CCDC112: variants seen among roughly 807,000 people sequenced by gnomAD.
CCDC112 encodes coiled-coil domain-containing protein 112.
Under a neutral mutation model 66.3 loss-of-function variants are expected in CCDC112, and 40 were observed. The ratio of observed to expected loss-of-function variants is 0.60; its 90% CI spans 0.47 to 0.79. The LOEUF is 0.79. Ranked by LOEUF, CCDC112 falls within the 30% of genes least tolerant of loss-of-function variation. The pLI is 0.00. For missense variants in CCDC112, 659 were observed against 603.8 expected (o/e 1.09, Z -0.96); for synonymous variants, 214 against 197.2 (o/e 1.09, Z -0.71).
At position 115,267,874 on chromosome 5, in the gene CCDC112, T is replaced by A; in HGVS notation, c.*2A>T. On this transcript the variant is annotated 3_prime_UTR_variant, in exon 10 of 10. Transcript: ENST00000379611. ...TATCAACTGAGTAGCAATTTGATTA[T>A]CTCATACTCTTCTCTGTATTCCTTG... 1 of 1,609,930 alleles carries A rather than the reference T, an allele frequency of 6.2e-7. No homozygotes were observed. The highest frequency in any genetic ancestry group is 8.5e-7 in the Non-Finnish European group (1 of 1,176,378).
intron 6 of CCDC112, among the ~76,000 whole-genome samples, chr5:115,272,780 C>T (rs1414384432): frequency 6.6e-6 from 1 of 152,046 alleles, no homozygotes; most frequent in African/African-American, 2.4e-5. Flanking sequence ...TGTATATATA[C>T]TATAAACAAG....
rs567161238 is a variant in CCDC112, at chr5:115,273,903, G to A, written c.918+1313C>T. Reference sequence around the variant, plus strand: ...GTTTCAAACATTTTTCTTAAAACCCGAGAAGTCAATTTCCCTACATTCAAT... The same window carrying A: ...GTTTCAAACATTTTTCTTAAAACCCAAGAAGTCAATTTCCCTACATTCAAT... On this transcript the variant is annotated intron_variant, in intron 6 of 9. Transcript: ENST00000379611. 9.2e-5 allele frequency among the ~76,000 whole-genome samples: 14 copies of A among 152,268 alleles called. No individual in the cohort carries two copies. The South Asian group carries it at 1.9e-3, about 20-fold the overall frequency.
Position 115,275,556 on chromosome 5 carries a change from G to A in CCDC112, c.578C>T (p.Ala193Val). 1 of 1,609,798 alleles carries A rather than the reference G, an allele frequency of 6.2e-7. No homozygotes were observed. Reference protein sequence around the residue: ...EEKTTNNELSAISRKIDTWAL... With the variant: ...EEKTTNNELSVISRKIDTWAL... ...CCATGTGTCAATTTTTCTTGATATGGCACTCAACTCATTATTAGTTGTCTT... is the reference window on the plus strand; with the variant it reads ...CCATGTGTCAATTTTTCTTGATATGACACTCAACTCATTATTAGTTGTCTT... The change falls in exon 6 of 10, where the codon GCC becomes GTC. Residue 193 changes from alanine to valine, a missense_variant. Ala to Val is a moderately conservative substitution (Grantham distance 64, BLOSUM62 0). Coordinates refer to ENST00000379611, the MANE Select transcript of CCDC112 (RefSeq NM_001040440.3).
At chr5:115,283,034 C>T (rs1749521744) in intron 2 of CCDC112, among the ~76,000 whole-genome samples, 1 of 151,952 alleles carries the variant, frequency 6.6e-6, no homozygotes, top group South Asian at 2.1e-4. Context: ...TGGACATTAC[C>T]CTATCTAGAA....
At chr5:115,294,695 A>T (rs575928456) in intron 1 of CCDC112, among the ~76,000 whole-genome samples, 3 of 152,348 alleles carry the variant, frequency 2.0e-5, no homozygotes, top group South Asian at 4.1e-4. Context: ...TGTTAAAGTC[A>T]GTAGGAATAT....
chr5:115,274,526 T>C (rs1749123414), intron 6 of CCDC112, among the ~76,000 whole-genome samples: 1 of 152,194 alleles, frequency 6.6e-6, no homozygotes, highest in Non-Finnish European at 1.5e-5. Flanking sequence ...TGCCTCTTGA[T>C]TTTTCTATTC....
At chr5:115,273,056 G>A (rs1346194052) in intron 6 of CCDC112, among the ~76,000 whole-genome samples, 4 of 152,178 alleles carry the variant, frequency 2.6e-5, no homozygotes, top group African/African-American at 9.7e-5. Context: ...TTAGTCCATG[G>A]ACCAAGTCTG....
chr5:115,270,729 A>G (rs1056502642), intron 7 of CCDC112, among the ~76,000 whole-genome samples: 6 of 152,152 alleles, frequency 3.9e-5, no homozygotes, highest in Non-Finnish European at 5.9e-5. Flanking sequence ...GCCTATGGCT[A>G]CCTTTCTAGT....
intron 1 of CCDC112, among the ~76,000 whole-genome samples, chr5:115,292,809 T>G (rs2127077910): frequency 6.6e-6 from 1 of 152,342 alleles, no homozygotes; most frequent in South Asian, 2.1e-4. Flanking sequence ...TTTGCTACCT[T>G]TGGGAAAGGG....
In CCDC112 at chr5:115,291,504, A is replaced by T. The variant is rs1033097049; in HGVS notation, c.117+4923T>A. The stretch of plus-strand genomic sequence containing the variant: ...TAATAATGGCCTTACAGAATGAGAA[A>T]TGTTCATTAAAAATGTTCCTTCCTC... On this transcript the variant is annotated intron_variant, in intron 1 of 9. Transcript: ENST00000379611. Among the ~76,000 whole-genome samples, 3 of 152,280 alleles carry T rather than the reference A, an allele frequency of 2.0e-5. No individual in the cohort carries two copies. In the South Asian group the frequency reaches 6.2e-4, roughly 32 times the overall value.
intron 2 of CCDC112, among the ~76,000 whole-genome samples, chr5:115,282,536 G>T (rs1307900485): frequency 1.3e-5 from 2 of 151,988 alleles, no homozygotes; most frequent in African/African-American, 4.8e-5. Context: ...TGCCATTATT[G>T]TGCCTAGCAA....
chr5:115,268,937 G>C lies in CCDC112; in HGVS notation c.1492C>G (p.Arg498Gly), dbSNP rs562994298. Reference protein sequence around the residue: ...LYKPTKGWEERTKKIGPTGSG... With the variant: ...LYKPTKGWEEGTKKIGPTGSG... ...CCTGTTGGTCCTATCTTTTTGGTTC[G>C]TTCTTCCCAACCTTTGGTGGGTTTG... The change falls in exon 9 of 10, where the codon CGA becomes GGA. Residue 498 changes from arginine to glycine, a missense_variant. Physicochemically the swap from Arg to Gly is moderately radical, Grantham distance 125. Coordinates refer to ENST00000379611, the MANE Select transcript of CCDC112 (RefSeq NM_001040440.3). The C allele has an allele frequency of 1.9e-6, 3 of 1,606,706 alleles. No individual in the cohort carries two copies. Among genetic ancestry groups the C allele is most frequent in the Non-Finnish European group, 2.5e-6 (3 of 1,176,766 alleles).
chr5:115,276,323 T>C (rs1749204285), intron 4 of CCDC112, among the ~76,000 whole-genome samples: 1 of 152,174 alleles, frequency 6.6e-6, no homozygotes, highest in Non-Finnish European at 1.5e-5. Context: ...ATCAAGTAAC[T>C]TGCCTAAAAT....
Position 115,271,234 on chromosome 5 carries a change from T to C in CCDC112, c.1311A>G (p.Glu437=). 6.3e-7 allele frequency: 1 copy of C among 1,580,498 alleles called. No individual in the cohort carries two copies. The highest frequency in any genetic ancestry group is 1.2e-5 in the South Asian group (1 of 84,410). Residue 437 remains glutamate, a synonymous_variant, in exon 7 of 10, where the codon GAA becomes GAG. Transcript: ENST00000379611. ...TCACTCTTTCTTGAAATCTGGAAATTTCATCAGCAGCATTTTTCCTTTTTT... is the reference window on the plus strand; with the variant it reads ...TCACTCTTTCTTGAAATCTGGAAATCTCATCAGCAGCATTTTTCCTTTTTT... The part of the protein sequence containing the change: ...KAEKRKNAAD[E]ISRFQERDLH...
In CCDC112 at chr5:115,294,235, A is replaced by C. The variant is rs189655598; in HGVS notation, c.117+2192T>G. On this transcript the variant is annotated intron_variant, in intron 1 of 9. Transcript: ENST00000379611. ...AATTTAAAGACACTGTGATGGACTG[A>C]ATTGTGTTCCCTCAAAATTCCTATG... Among the ~76,000 whole-genome samples, 453 of 152,314 alleles carry C rather than the reference A, an allele frequency of 3.0e-3. 6 individuals carry two copies. The highest frequency in any genetic ancestry group is 0.026 in the Admixed American group (397 of 15,308).
At chr5:115,268,043 C>A in intron 9 of CCDC112, 125 bp from the exon 10 acceptor site, 1 of 707,890 alleles carries the variant, frequency 1.4e-6, no homozygotes, top group South Asian at 1.8e-5. Flanking sequence ...TTGGCTGGTT[C>A]ATATGGGCAT....
chr5:115,282,220 T>A (rs942910991), intron 2 of CCDC112, among the ~76,000 whole-genome samples: 2 of 152,214 alleles, frequency 1.3e-5, no homozygotes, highest in African/African-American at 4.8e-5. Context: ...ACCTCTTTTT[T>A]AAACAAAGTT....
At chr5:115,282,410 T>G (rs1031435712) in intron 2 of CCDC112, among the ~76,000 whole-genome samples, 4 of 152,166 alleles carry the variant, frequency 2.6e-5, no homozygotes, top group African/African-American at 9.7e-5. Flanking sequence ...TACCTTTGCT[T>G]TGCTTAGCTT....
chr5:115,277,439 G>T (rs1321241970), intron 3 of CCDC112, among the ~76,000 whole-genome samples: 1 of 152,010 alleles, frequency 6.6e-6, no homozygotes, highest in African/African-American at 2.4e-5. Context: ...ATAGAATTTG[G>T]TCTTAACTCT....
Sources: gnomAD v4.1 joint callset for allele counts (sites outside exome capture counted in the v4.1 genomes callset) on GRCh38, gnomAD v4.1.1 for gene constraint, MANE v1.5 for transcripts, NCBI Gene and HGNC (gene_info 2026-07-23, HGNC 2026-07-21) for gene names.